Variants in ZNF557 observed in about 807,000 individuals in gnomAD.
ZNF557 encodes the protein CTB-25J19.9.
ZNF557 carries 19 observed loss-of-function variants against 21.2 expected under a neutral mutation model. The ratio of observed to expected loss-of-function variants is 0.90; its 90% CI spans 0.63 to 1.32. The LOEUF is 1.32. Among genes scored for constraint, ZNF557 ranks in the 40% most tolerant of loss-of-function variants. The probability of loss-of-function intolerance (pLI) is 0.00; values close to 1 mark genes in which losing one functional copy is unlikely to be tolerated. For missense variants in ZNF557, 487 were observed against 519.8 expected (o/e 0.94, Z 0.61); for synonymous variants, 207 against 194.8 (o/e 1.06, Z -0.52).
At chr19:7,074,417 T>C (rs1977531319) in intron 2 of ZNF557, among the ~76,000 whole-genome samples, 1 of 151,696 alleles carries the variant, frequency 6.6e-6, no homozygotes, top group African/African-American at 2.4e-5. Context: ...TACTTTTTTT[T>C]CCCCTTAAAT....
intron 5 of ZNF557, among the ~76,000 whole-genome samples, chr19:7,079,461 C>T (rs891433844): frequency 3.3e-5 from 5 of 151,788 alleles, no homozygotes; most frequent in South Asian, 2.1e-4. Context: ...AGGATGATCT[C>T]GATCTCCTGA....
chr19:7,086,601 T>C lies in ZNF557; in HGVS notation c.*2857T>C, dbSNP rs1185425801. The C allele has an allele frequency of 6.6e-6, 1 of 151,772 alleles. No individual in the cohort carries two copies. Among genetic ancestry groups the C allele is most frequent in the Non-Finnish European group, 1.5e-5 (1 of 67,974 alleles). 9.4% of individuals were successfully genotyped at this position (151,772 alleles called of 1,614,324 possible). On this transcript the variant is annotated 3_prime_UTR_variant, in exon 8 of 8. Transcript: ENST00000252840. The stretch of plus-strand genomic sequence containing the variant: ...TGGTCTCAATCTCCTGACCTCGTGA[T>C]CCACCTGCCTCGGCCTCCCAAAGCA...
In ZNF557 at chr19:7,087,622, C is replaced by G. The variant is rs531194080; in HGVS notation, c.*3878C>G. 2 of 151,862 alleles carry G rather than the reference C, an allele frequency of 1.3e-5. No homozygotes were observed. The highest frequency in any genetic ancestry group is 4.8e-5 in the African/African-American group (2 of 41,304). The allele number at this position is 151,862 out of a possible 1,614,324, so 9.4% of individuals were successfully genotyped here. ...AAACCTTTGATTGGCTGCATTGGCT[C>G]TGTTCTGCATATTACTAGACTTCTT... is the stretch of plus-strand genomic sequence containing the variant. On this transcript the variant is annotated 3_prime_UTR_variant, in exon 8 of 8. Coordinates refer to ENST00000252840, the MANE Select transcript of ZNF557 (RefSeq NM_024341.3).
At chr19:7,079,781 A>G (rs1013331587) in intron 5 of ZNF557, among the ~76,000 whole-genome samples, 1 of 152,034 alleles carries the variant, frequency 6.6e-6, no homozygotes, top group Non-Finnish European at 1.5e-5. Flanking sequence ...TTTGTCAGAG[A>G]TTTTTTTAAA....
chr19:7,084,392 C>T lies in ZNF557; in HGVS notation c.*648C>T, dbSNP rs1483652562. 1 of 152,466 alleles carries T rather than the reference C, an allele frequency of 6.6e-6. No homozygotes were observed. The highest frequency in any genetic ancestry group is 1.5e-5 in the Non-Finnish European group (1 of 68,428). 9.4% of individuals were successfully genotyped at this position (152,466 alleles called of 1,614,324 possible). On this transcript the variant is annotated 3_prime_UTR_variant, in exon 8 of 8. Transcript: ENST00000252840. The stretch of plus-strand genomic sequence containing the variant: ...TTAAGACAATGTCTCACTCTGTCAC[C>T]CAGTCTGGAGCGCAGTGGTGTGATC...
In ZNF557 at chr19:7,085,239, C is replaced by T. The variant is rs1977810320; in HGVS notation, c.*1495C>T. The T allele has an allele frequency of 6.6e-6, 1 of 152,190 alleles. No individual in the cohort carries two copies. The highest frequency in any genetic ancestry group is 2.1e-4 in the South Asian group (1 of 4,830). 9.4% of individuals were successfully genotyped at this position (152,190 alleles called of 1,614,324 possible). On this transcript the variant is annotated 3_prime_UTR_variant, in exon 8 of 8. Transcript: ENST00000252840. ...CCAGGCTGTAGTGCAGTGGTGCAAT[C>T]TTGGCTTATTGTAACCTCTGCCTCC...
In ZNF557 at chr19:7,082,896, G is replaced by A. The variant is rs200298823; in HGVS notation, c.445G>A (p.Ala149Thr). Reference protein sequence around the residue: ...NMKMERNHLGATLNECNQCFK... With the variant: ...NMKMERNHLGTTLNECNQCFK... ...TCAATAGGAGAGGAATCATCTTGGA[G>A]CAACACTCAACGAATGTAATCAGTG... is the stretch of plus-strand genomic sequence containing the variant. The change falls in exon 8 of 8, where the codon GCA becomes ACA. Residue 149 changes from alanine (A) to threonine (T), a missense_variant. Physicochemically the swap from Ala to Thr is moderately conservative, Grantham distance 58. Transcript: ENST00000252840. The A allele has an allele frequency of 3.1e-6, 5 of 1,589,130 alleles. No individual in the cohort carries two copies. In the Admixed American group the frequency reaches 8.8e-5, roughly 28 times the overall value.
At chr19:7,070,348 C>T (rs111697232) in intron 1 of ZNF557, among the ~76,000 whole-genome samples, 2 of 152,116 alleles carry the variant, frequency 1.3e-5, no homozygotes, top group South Asian at 2.1e-4. Flanking sequence ...GCTTCTTGTC[C>T]CATTTTAGGG....
chr19:7,072,737 A>G (rs534510254), intron 2 of ZNF557, among the ~76,000 whole-genome samples: 65 of 152,286 alleles, frequency 4.3e-4, no homozygotes, highest in Non-Finnish European at 7.1e-4. Flanking sequence ...CCTTCTTCCC[A>G]GATCCTGGGT....
At chr19:7,077,070 A>G (rs891073493) in intron 5 of ZNF557, among the ~76,000 whole-genome samples, 3 of 151,594 alleles carry the variant, frequency 2.0e-5, no homozygotes, top group African/African-American at 7.3e-5. Context: ...TTTTATATAA[A>G]TGAAATCATA....
In ZNF557 at chr19:7,084,206, T is replaced by TA; in HGVS notation, c.*463dup. 6.0e-6 allele frequency: 1 copy of TA among 167,524 alleles called. No individual in the cohort carries two copies. 10.4% of individuals were successfully genotyped at this position (167,524 alleles called of 1,614,324 possible). A position where few individuals can be genotyped will look rare whatever the true frequency, so the allele number is the denominator to read the frequency against. On this transcript the variant is annotated 3_prime_UTR_variant, in exon 8 of 8. Transcript: ENST00000252840. ...CTTTTATGACCTAGCTTCAGTGAGA[T>TA]ATGTTTTCATGTCCCTGTTACATTG...
chr19:7,083,194 C>T lies in ZNF557; in HGVS notation c.743C>T (p.Ser248Phe). Reference sequence around the variant, plus strand: ...GACTGTGGGAAAACCTTCAGCAATTCCTCATACCTCAGACCGCACTTGAGA... The same window carrying T: ...GACTGTGGGAAAACCTTCAGCAATTTCTCATACCTCAGACCGCACTTGAGA... The part of the protein sequence containing the change: ...CSDCGKTFSN[S>F]SYLRPHLRIH... Residue 248 changes from serine to phenylalanine, a missense_variant, in exon 8 of 8, where the codon TCC becomes TTC. Transcript: ENST00000252840. 1 of 1,614,126 alleles carries T rather than the reference C, an allele frequency of 6.2e-7. No homozygotes were observed. Among genetic ancestry groups the T allele is most frequent in the Non-Finnish European group, 8.5e-7 (1 of 1,180,022 alleles).
chr19:7,070,999 C>T (rs972072357), intron 2 of ZNF557, among the ~76,000 whole-genome samples: 1 of 152,108 alleles, frequency 6.6e-6, no homozygotes, highest in Non-Finnish European at 1.5e-5. Context: ...CTCCTGACTT[C>T]AGGTGATCCA....
Position 7,084,722 on chromosome 19 carries a change from C to G in ZNF557, c.*978C>G, listed in dbSNP as rs1346686294. On this transcript the variant is annotated 3_prime_UTR_variant, in exon 8 of 8. Transcript: ENST00000252840. ...AGGTTAACTCACTCTAGAGAGAAAT[C>G]TTGTGAGTGTAATCTGTATGGTAAA... 6.6e-6 allele frequency: 1 copy of G among 152,058 alleles called. No homozygotes were observed. The highest frequency in any genetic ancestry group is 2.1e-4 in the South Asian group (1 of 4,832). 9.4% of individuals were successfully genotyped at this position (152,058 alleles called of 1,614,324 possible).
intron 2 of ZNF557, among the ~76,000 whole-genome samples, chr19:7,071,929 C>A (rs1025523214): frequency 7.1e-6 from 1 of 140,496 alleles, no homozygotes; most frequent in Admixed American, 7.3e-5. Flanking sequence ...CGTGGTGAAA[C>A]CCCGTCTGTA....
At chr19:7,074,852 G>A (rs1226783005) in intron 2 of ZNF557, 144 bp from the exon 3 acceptor site, 13 of 507,260 alleles carry the variant, frequency 2.6e-5, no homozygotes, top group African/African-American at 8.1e-5. Context: ...GGCAGGGCAC[G>A]GGCAGGAGGG....
At chr19:7,080,793 T>G (rs1977683475) in intron 5 of ZNF557, among the ~76,000 whole-genome samples, 2 of 152,198 alleles carry the variant, frequency 1.3e-5, no homozygotes, top group South Asian at 4.1e-4. Context: ...ATTCAAGAGC[T>G]CCAATGAAGT....
chr19:7,070,246 A>G (rs1174427885), intron 1 of ZNF557, among the ~76,000 whole-genome samples: 2 of 152,212 alleles, frequency 1.3e-5, no homozygotes, highest in Non-Finnish European at 2.9e-5. Flanking sequence ...GAGTCCACTT[A>G]TAAGGCCTAA....
chr19:7,073,122 A>C (rs1977495682), intron 2 of ZNF557, among the ~76,000 whole-genome samples: 1 of 151,430 alleles, frequency 6.6e-6, no homozygotes, highest in South Asian at 2.1e-4. Context: ...AACTGTAGAG[A>C]AATAATACAG....
Sources: gnomAD v4.1 joint callset for allele counts (sites outside exome capture counted in the v4.1 genomes callset) on GRCh38, gnomAD v4.1.1 for gene constraint, MANE v1.5 for transcripts, NCBI Gene and HGNC (gene_info 2026-07-23, HGNC 2026-07-21) for gene names.